The following GPCPD1 variants were observed in gnomAD, a reference collection of about 807,000 sequenced individuals.
GPCPD1 encodes glycerophosphocholine phosphodiesterase GPCPD1.
In GPCPD1, 29 loss-of-function variants were observed where a neutral mutation model predicts 89.2. The ratio of observed to expected loss-of-function variants is 0.33; its 90% CI spans 0.24 to 0.44. GPCPD1 has a LOEUF of 0.44. Ranked by LOEUF, GPCPD1 falls within the 20% of genes least tolerant of loss-of-function variation. The probability of loss-of-function intolerance (pLI) is 1.00; values close to 1 mark genes in which losing one functional copy is unlikely to be tolerated. For missense variants in GPCPD1, 594 were observed against 808.9 expected, an observed-to-expected ratio of 0.73 and a Z score of 3.22; for synonymous variants, 258 against 266.3, an observed-to-expected ratio of 0.97 and a Z score of 0.30.
At chr20:5,588,221 T>C (rs1000980729) in intron 4 of GPCPD1, among the ~76,000 whole-genome samples, 5 of 152,236 alleles carry the variant, frequency 3.3e-5, no homozygotes, top group Non-Finnish European at 5.9e-5. Flanking sequence ...GTTGCAAATA[T>C]AGGACAGGCA....
chr20:5,580,678 A>T (rs1978406947), intron 6 of GPCPD1, among the ~76,000 whole-genome samples: 1 of 150,298 alleles, frequency 6.7e-6, no homozygotes, highest in Non-Finnish European at 1.5e-5. Flanking sequence ...GTGAGCCGAG[A>T]TCGCACCACT....
At chr20:5,600,044 T>C (rs963290104) in intron 2 of GPCPD1, among the ~76,000 whole-genome samples, 1 of 152,172 alleles carries the variant, frequency 6.6e-6, no homozygotes, top group Non-Finnish European at 1.5e-5. Context: ...TTAAAATTCA[T>C]AAAGAAAAAG....
chr20:5,598,882 A>C lies in GPCPD1; in HGVS notation c.50-61T>G, dbSNP rs917749147. The C allele has an allele frequency of 3.7e-6, 4 of 1,069,812 alleles. No individual in the cohort carries two copies. In the African/African-American group the frequency reaches 4.7e-5, roughly 12 times the overall value. 66.3% of individuals were successfully genotyped at this position (1,069,812 alleles called of 1,614,324 possible). On this transcript the variant is annotated intron_variant, in intron 2 of 19. Coordinates refer to ENST00000379019, the MANE Select transcript of GPCPD1 (RefSeq NM_019593.5). ...AACAATCAGTCACAGTGGGATAAGC[A>C]GGGAAGTTTGCATTAGTTCAACCAG... is the stretch of plus-strand genomic sequence containing the variant.
intron 6 of GPCPD1, among the ~76,000 whole-genome samples, chr20:5,581,814 CTTTTTTTTTTTTTT>C (rs11479995): frequency 0.076 from 5,694 of 75,130 alleles, 174 homozygotes; most frequent in Middle Eastern, 0.13. Context: ...GGGACTTTAA[CTTTTTTTTTTTTTT>C]TTTTTTTTTT....
intron 8 of GPCPD1, among the ~76,000 whole-genome samples, chr20:5,576,873 A>G (rs1600752177): frequency 6.6e-6 from 1 of 152,176 alleles, no homozygotes; most frequent in Non-Finnish European, 1.5e-5. Flanking sequence ...TTCAAGATAT[A>G]ATTTATTAAA....
At chr20:5,549,417 A>G in intron 19 of GPCPD1, 1 of 1,210,592 alleles carries the variant, frequency 8.3e-7, no homozygotes, top group Non-Finnish European at 1.2e-6. Flanking sequence ...GTGATTGGTT[A>G]TCAGTCCCAT....
At chr20:5,586,705 A>G (rs1978949400) in intron 4 of GPCPD1, among the ~76,000 whole-genome samples, 2 of 152,202 alleles carry the variant, frequency 1.3e-5, no homozygotes, top group Non-Finnish European at 2.9e-5. Flanking sequence ...CAAGCCTACA[A>G]TAGTAAAAAT....
chr20:5,594,944 C>G (rs567462101), intron 3 of GPCPD1, among the ~76,000 whole-genome samples: 5 of 152,144 alleles, frequency 3.3e-5, no homozygotes, highest in Non-Finnish European at 7.3e-5. Context: ...ATTATTATAT[C>G]TGTTATGGTG....
At position 5,593,357 on chromosome 20, in the gene GPCPD1, G is replaced by T; in HGVS notation, c.201C>A (p.Arg67=). ...GTTCTAAAAAGTACCCTTTGAAGTA[G>T]CGATACTGAACTGATACTCCTCTAC... ...VLSRGVSVQY[R]YFKGYFLEPK... is the part of the protein sequence containing the mutation. The change falls in exon 4 of 20, where the codon CGC becomes CGA. Residue 67 remains arginine, a synonymous_variant. Coordinates refer to ENST00000379019, the MANE Select transcript of GPCPD1 (RefSeq NM_019593.5). 1 of 1,588,896 alleles carries T rather than the reference G, an allele frequency of 6.3e-7. No individual in the cohort carries two copies. The highest frequency in any genetic ancestry group is 8.6e-7 in the Non-Finnish European group (1 of 1,157,410).
intron 9 of GPCPD1, 115 bp from the exon 10 acceptor site, chr20:5,575,660 A>G (rs985980993): frequency 5.7e-6 from 5 of 882,768 alleles, no homozygotes; most frequent in African/African-American, 3.4e-5. Flanking sequence ...TGTCAAACGG[A>G]AAAAAAAACA....
At chr20:5,584,508 A>T in intron 5 of GPCPD1, 186 bp from the exon 6 acceptor site, 1 of 426,532 alleles carries the variant, frequency 2.3e-6, no homozygotes, top group Admixed American at 4.5e-5. Flanking sequence ...AGGCTAGCAA[A>T]CAGTAATGGT....
rs202095086 is a variant in GPCPD1, at chr20:5,580,135, A to C, written c.350-4T>G. 3.5e-6 allele frequency: 5 copies of C among 1,428,868 alleles called. No homozygotes were observed. The Admixed American group carries it at 7.3e-5, about 21-fold the overall frequency. 88.5% of individuals were successfully genotyped at this position (1,428,868 alleles called of 1,614,324 possible). Reference sequence around the variant, plus strand: ...GAATCCAGAGTTTCAACACCATCTGACAGAATAAATATGAAGAACAGTAAT... The same window carrying C: ...GAATCCAGAGTTTCAACACCATCTGCCAGAATAAATATGAAGAACAGTAAT... On this transcript the variant is annotated splice_region_variant and splice_polypyrimidine_tract_variant and intron_variant, in intron 6 of 19. Transcript: ENST00000379019.
At chr20:5,585,141 G>C (rs1978825669) in intron 5 of GPCPD1, 1 of 152,048 alleles carries the variant, frequency 6.6e-6, no homozygotes, top group Non-Finnish European at 1.5e-5. Context: ...ATATTTAACT[G>C]CAAGATGCTT....
intron 1 of GPCPD1, among the ~76,000 whole-genome samples, chr20:5,609,407 A>C (rs192800503): frequency 6.6e-5 from 10 of 152,368 alleles, no homozygotes; most frequent in African/African-American, 2.2e-4. Context: ...AAATATGTTA[A>C]GACGTTAATG....
rs770283311 is a variant in GPCPD1 at position 5,570,225 on chromosome 20, T to A, written c.1071A>T (p.Val357=). 1 of 1,572,096 alleles carries A rather than the reference T, an allele frequency of 6.4e-7. No homozygotes were observed. Among genetic ancestry groups the A allele is most frequent in the Non-Finnish European group, 8.8e-7 (1 of 1,142,596 alleles). ...CCTTTGAAAGGTGTACGTCAAATTC[T>A]ACAAAGGCTGCACCCTGACAGAAGG... is the stretch of plus-strand genomic sequence containing the variant. ...RNAASHGAAF[V]EFDVHLSKDF... The change falls in exon 12 of 20, where the codon GTA becomes GTT. Residue 357 remains valine (V), a synonymous_variant. Coordinates refer to ENST00000379019, the MANE Select transcript of GPCPD1 (RefSeq NM_019593.5).
At chr20:5,595,033 T>C (rs1979609580) in intron 3 of GPCPD1, among the ~76,000 whole-genome samples, 1 of 152,228 alleles carries the variant, frequency 6.6e-6, no homozygotes, top group African/African-American at 2.4e-5. Context: ...TTTTAAGAAA[T>C]TGACACTGTC....
intron 4 of GPCPD1, among the ~76,000 whole-genome samples, chr20:5,591,026 A>G (rs1287720358): frequency 6.6e-6 from 1 of 152,216 alleles, no homozygotes; most frequent in Non-Finnish European, 1.5e-5. Flanking sequence ...CAGAAAAAAA[A>G]AAGTTGAAAT....
chr20:5,607,437 G>T (rs1000941072), intron 1 of GPCPD1, among the ~76,000 whole-genome samples: 1 of 151,874 alleles, frequency 6.6e-6, no homozygotes, highest in Admixed American at 6.6e-5. Context: ...AATTAGCTGG[G>T]CATGATGGCA....
intron 19 of GPCPD1, among the ~76,000 whole-genome samples, chr20:5,551,985 T>C (rs757043257): frequency 9.2e-5 from 14 of 151,926 alleles, no homozygotes; most frequent in Non-Finnish European, 1.8e-4. Flanking sequence ...ATGGAAAAAA[T>C]AGCATAAGCA....
Sources: gnomAD v4.1 joint callset for allele counts (sites outside exome capture counted in the v4.1 genomes callset) on GRCh38, gnomAD v4.1.1 for gene constraint, MANE v1.5 for transcripts, NCBI Gene and HGNC (gene_info 2026-07-23, HGNC 2026-07-21) for gene names.